Variants in ZBTB20 observed in about 807,000 individuals in gnomAD.
ZBTB20 encodes zinc finger and BTB domain-containing protein 20.
In ZBTB20, 9 loss-of-function variants were observed where a neutral mutation model predicts 56.9. That is an observed-to-expected ratio of 0.16 (90% CI 0.10 to 0.28). The LOEUF (loss-of-function observed/expected upper bound fraction) is 0.28. ZBTB20 is among the 10% of genes least tolerant of loss of function. The pLI is 1.00. For synonymous variants in ZBTB20, 417 were observed against 420.7 expected (o/e 0.99, Z 0.11); for missense variants, 655 against 1,003.0 (o/e 0.65, Z 4.69).
At chr3:114,618,751 G>C (rs2058109640) in intron 6 of ZBTB20, among the ~76,000 whole-genome samples, 1 of 152,112 alleles carries the variant, frequency 6.6e-6, no homozygotes, top group African/African-American at 2.4e-5. Context: ...CAAAATTAAA[G>C]CTACTATACA....
At chr3:114,368,113 G>C (rs2082615485) in intron 10 of ZBTB20, among the ~76,000 whole-genome samples, 1 of 152,112 alleles carries the variant, frequency 6.6e-6, no homozygotes, top group African/African-American at 2.4e-5. Flanking sequence ...GCTGCTTTAA[G>C]GGCTTTACAT....
intron 6 of ZBTB20, among the ~76,000 whole-genome samples, chr3:114,594,183 T>C (rs1010242627): frequency 2.0e-5 from 3 of 152,140 alleles, no homozygotes; most frequent in Non-Finnish European, 4.4e-5. Flanking sequence ...TGAAAAGAGA[T>C]GGTTAAATTG....
chr3:114,989,063 C>T (rs1191225258), intron 2 of ZBTB20, among the ~76,000 whole-genome samples: 1 of 152,120 alleles, frequency 6.6e-6, no homozygotes, highest in Non-Finnish European at 1.5e-5. Context: ...CCTGTTCACT[C>T]TGATGGTAGT....
intron 6 of ZBTB20, among the ~76,000 whole-genome samples, chr3:114,659,626 C>A (rs781258513): frequency 6.6e-6 from 1 of 152,070 alleles, no homozygotes; most frequent in Non-Finnish European, 1.5e-5. Context: ...TTACTTGGTC[C>A]CTTGTTCTTT....
intron 5 of ZBTB20, among the ~76,000 whole-genome samples, chr3:114,703,738 T>C (rs2063537314): frequency 6.6e-6 from 1 of 152,212 alleles, no homozygotes; most frequent in East Asian, 1.9e-4. Flanking sequence ...CAATTGCAAG[T>C]GTCCCCATGA....
At chr3:114,723,413 C>T (rs948719154) in intron 5 of ZBTB20, among the ~76,000 whole-genome samples, 1 of 152,150 alleles carries the variant, frequency 6.6e-6, no homozygotes, top group Admixed American at 6.5e-5. Context: ...AAAGGTTCTA[C>T]TTTTATTTTA....
chr3:114,905,828 G>T (rs1356003386), intron 3 of ZBTB20, among the ~76,000 whole-genome samples: 3 of 151,844 alleles, frequency 2.0e-5, no homozygotes, highest in Non-Finnish European at 2.9e-5. Context: ...ACAAGAATGA[G>T]TTGTCCAAAT....
intron 1 of ZBTB20, among the ~76,000 whole-genome samples, chr3:115,113,113 A>T (rs1477263523): frequency 6.6e-6 from 1 of 152,112 alleles, no homozygotes; most frequent in African/African-American, 2.4e-5. Flanking sequence ...ATGTCTACTC[A>T]TGTCCTTTGC....
intron 2 of ZBTB20, among the ~76,000 whole-genome samples, chr3:115,070,689 T>C (rs1576705475): frequency 6.6e-6 from 1 of 152,178 alleles, no homozygotes; most frequent in East Asian, 1.9e-4. Flanking sequence ...TTTCTTTAAT[T>C]AGAAATTGTA....
intron 7 of ZBTB20, among the ~76,000 whole-genome samples, chr3:114,482,107 A>C (rs1307905789): frequency 6.6e-6 from 1 of 152,126 alleles, no homozygotes; most frequent in African/African-American, 2.4e-5. Context: ...CTATGGACTT[A>C]AGATAACCTC....
intron 4 of ZBTB20, among the ~76,000 whole-genome samples, chr3:114,888,268 T>G (rs1324110127): frequency 6.6e-6 from 1 of 151,684 alleles, no homozygotes; most frequent in African/African-American, 2.4e-5. Context: ...AAAAAAAATT[T>G]AAACATCTGC....
At chr3:114,755,895 C>T (rs1417031371) in intron 5 of ZBTB20, among the ~76,000 whole-genome samples, 2 of 152,080 alleles carry the variant, frequency 1.3e-5, no homozygotes, top group African/African-American at 4.8e-5. Context: ...TTTTCTTATG[C>T]TTATGGATGT....
intron 6 of ZBTB20, among the ~76,000 whole-genome samples, chr3:114,594,840 T>G (rs1182984588): frequency 6.6e-6 from 1 of 151,930 alleles, no homozygotes; most frequent in Non-Finnish European, 1.5e-5. Context: ...GTGTATGTTA[T>G]GTTTTATTTG....
At chr3:114,365,608 G>A (rs1197804530) in intron 10 of ZBTB20, among the ~76,000 whole-genome samples, 2 of 152,224 alleles carry the variant, frequency 1.3e-5, no homozygotes, top group Admixed American at 6.5e-5. Context: ...GAAACAAGGA[G>A]GAGGATGTGG....
intron 7 of ZBTB20, among the ~76,000 whole-genome samples, chr3:114,414,167 T>C (rs912540094): frequency 6.6e-6 from 1 of 152,276 alleles, no homozygotes; most frequent in African/African-American, 2.4e-5. Flanking sequence ...TACCTCAGAC[T>C]ATAATGTATA....
intron 6 of ZBTB20, among the ~76,000 whole-genome samples, chr3:114,501,250 T>C (rs1169831704): frequency 1.3e-5 from 2 of 152,190 alleles, no homozygotes; most frequent in Non-Finnish European, 2.9e-5. Flanking sequence ...TCAGATGAAA[T>C]GATGAAAATT....
chr3:114,409,575 C>T (rs190059400), intron 7 of ZBTB20, among the ~76,000 whole-genome samples: 40 of 152,130 alleles, frequency 2.6e-4, no homozygotes, highest in Admixed American at 2.2e-3. Flanking sequence ...CTCGGCACTT[C>T]CCCCGTAGAC....
intron 2 of ZBTB20, among the ~76,000 whole-genome samples, chr3:115,021,009 A>C (rs921041508): frequency 6.6e-5 from 10 of 150,960 alleles, no homozygotes; most frequent in Admixed American, 3.3e-4. Flanking sequence ...TGTTAGATGG[A>C]GTAAAAGGCA....
intron 4 of ZBTB20, among the ~76,000 whole-genome samples, chr3:114,893,278 T>C (rs141516136): frequency 6.6e-6 from 1 of 152,286 alleles, no homozygotes; most frequent in African/African-American, 2.4e-5. Context: ...TTAAAATCCT[T>C]ATTATACAGC....
Sources: allele counts gnomAD v4.1 joint callset (sites outside exome capture counted in the v4.1 genomes callset), GRCh38; gene constraint gnomAD v4.1.1; transcripts MANE v1.5; gene names NCBI Gene and HGNC (gene_info 2026-07-23, HGNC 2026-07-21).